RNF130: variants seen among roughly 807,000 people sequenced by gnomAD.
RNF130 encodes ring finger protein 130.
In RNF130, 21 loss-of-function variants were observed where a neutral mutation model predicts 44.6. That is an observed-to-expected ratio of 0.47 (90% CI 0.33 to 0.68). The LOEUF is 0.68. Among genes scored for constraint, RNF130 ranks in the 30% least tolerant of loss-of-function variants. The pLI is 0.02. For synonymous variants in RNF130, 214 were observed against 210.4 expected (o/e 1.02, Z -0.15); for missense variants, 479 against 560.6 (o/e 0.85, Z 1.47).
intron 7 of RNF130, among the ~76,000 whole-genome samples, chr5:179,937,813 T>G (rs1761913912): frequency 6.6e-6 from 1 of 151,892 alleles, no homozygotes; most frequent in South Asian, 2.1e-4. Flanking sequence ...CATCAGTGGA[T>G]GAGGAGATGA....
intron 1 of RNF130, among the ~76,000 whole-genome samples, chr5:180,062,661 A>G (rs1295097246): frequency 6.6e-6 from 1 of 152,236 alleles, no homozygotes; most frequent in Non-Finnish European, 1.5e-5. Flanking sequence ...GTGTCTATAA[A>G]TACCTGAACC....
chr5:180,030,471 C>A (rs1764108968), intron 2 of RNF130, among the ~76,000 whole-genome samples: 2 of 152,182 alleles, frequency 1.3e-5, no homozygotes, highest in South Asian at 4.1e-4. Flanking sequence ...AGTTTTGGGT[C>A]ATTTCCATCA....
chr5:179,933,709 G>A, intron 7 of RNF130: 1 of 329,270 alleles, frequency 3.0e-6, no homozygotes, highest in Non-Finnish European at 5.7e-6. Context: ...TTTTTGTAGA[G>A]ATGGAATTTC....
At chr5:180,023,213 G>A (rs142981884) in intron 2 of RNF130, among the ~76,000 whole-genome samples, 2 of 152,308 alleles carry the variant, frequency 1.3e-5, no homozygotes, top group East Asian at 1.9e-4. Context: ...CAATGCAGAT[G>A]ATTACAGATA....
chr5:180,054,463 T>A (rs1187761670), intron 1 of RNF130, among the ~76,000 whole-genome samples: 3 of 152,180 alleles, frequency 2.0e-5, no homozygotes, highest in Middle Eastern at 3.2e-3. Context: ...TCCCTCTAAC[T>A]TCTCCGATAT....
intron 1 of RNF130, among the ~76,000 whole-genome samples, chr5:180,063,447 G>C (rs79411593): frequency 0.12 from 17,809 of 152,206 alleles, 1,378 homozygotes; most frequent in East Asian, 0.21. Flanking sequence ...AGACTGGAGA[G>C]CAGTGGTAGC....
intron 2 of RNF130, among the ~76,000 whole-genome samples, chr5:180,018,667 C>A (rs1307256939): frequency 4.6e-5 from 7 of 152,244 alleles, no homozygotes; most frequent in Admixed American, 4.6e-4. Context: ...GGAAGAAAAT[C>A]AAAAGGCCTC....
chr5:179,968,156 A>C (rs185621418), intron 6 of RNF130, among the ~76,000 whole-genome samples: 1 of 151,976 alleles, frequency 6.6e-6, no homozygotes. Flanking sequence ...TTAGCCGGGC[A>C]TGGTGGCGGG....
At chr5:179,967,036 T>C (rs780476475) in intron 6 of RNF130, 26 bp from the exon 7 acceptor site, 4 of 1,585,394 alleles carry the variant, frequency 2.5e-6, no homozygotes, top group Non-Finnish European at 2.6e-6. Context: ...AGGTTAAAAA[T>C]AATTGTAAGG....
intron 7 of RNF130, among the ~76,000 whole-genome samples, chr5:179,943,101 A>G (rs1761988387): frequency 6.6e-6 from 1 of 152,212 alleles, no homozygotes; most frequent in South Asian, 2.1e-4. Context: ...AGGCTGAGGT[A>G]GGAGAATTGC....
intron 2 of RNF130, among the ~76,000 whole-genome samples, chr5:180,035,079 T>C (rs1434822995): frequency 6.6e-6 from 1 of 152,202 alleles, no homozygotes; most frequent in Non-Finnish European, 1.5e-5. Flanking sequence ...TTAACTCCTT[T>C]GTTCTACTGG....
intron 7 of RNF130, among the ~76,000 whole-genome samples, chr5:179,932,385 G>C (rs986222742): frequency 1.3e-5 from 2 of 151,972 alleles, no homozygotes; most frequent in East Asian, 2.0e-4. Context: ...AGCCTCCTGA[G>C]TAGCTGGGAC....
intron 1 of RNF130, among the ~76,000 whole-genome samples, chr5:180,043,726 C>T (rs539929887): frequency 6.6e-6 from 1 of 152,086 alleles, no homozygotes; most frequent in South Asian, 2.1e-4. Flanking sequence ...ATTCTATGAA[C>T]AACAGCATGA....
chr5:180,061,037 C>T (rs1764973316), intron 1 of RNF130, among the ~76,000 whole-genome samples: 1 of 139,692 alleles, frequency 7.2e-6, no homozygotes, highest in South Asian at 2.3e-4. Flanking sequence ...TCCCACTGCA[C>T]TCCAGCCTGG....
At chr5:179,982,622 C>T (rs1762864250) in intron 3 of RNF130, among the ~76,000 whole-genome samples, 1 of 152,172 alleles carries the variant, frequency 6.6e-6, no homozygotes, top group Non-Finnish European at 1.5e-5. Flanking sequence ...GCTTCCCAAA[C>T]TGGAGTACAG....
chr5:180,036,149 A>T (rs1389977392), intron 2 of RNF130, among the ~76,000 whole-genome samples: 1 of 152,026 alleles, frequency 6.6e-6, no homozygotes, highest in Non-Finnish European at 1.5e-5. Context: ...CTGGATTCTG[A>T]TATTTTCCCC....
At chr5:179,962,984 G>T (rs538001610) in intron 8 of RNF130, among the ~76,000 whole-genome samples, 1 of 152,322 alleles carries the variant, frequency 6.6e-6, no homozygotes, top group African/African-American at 2.4e-5. Context: ...CTAACATCTG[G>T]AAACAGCGGG....
chr5:180,045,003 A>C (rs1214592617), intron 1 of RNF130, among the ~76,000 whole-genome samples: 1 of 152,174 alleles, frequency 6.6e-6, no homozygotes, highest in African/African-American at 2.4e-5. Context: ...GGAACCCCTG[A>C]AACTTGCGCA....
chr5:180,019,765 T>C (rs149181675), intron 2 of RNF130, among the ~76,000 whole-genome samples: 251 of 152,386 alleles, frequency 1.6e-3, no homozygotes, highest in African/African-American at 5.7e-3. Flanking sequence ...TCCTAAAATA[T>C]AGACCTGCTG....
Sources: allele counts gnomAD v4.1 joint callset (sites outside exome capture counted in the v4.1 genomes callset), GRCh38; gene constraint gnomAD v4.1.1; transcripts MANE v1.5; gene names NCBI Gene and HGNC (gene_info 2026-07-23, HGNC 2026-07-21).